Variants in CCDC102B observed in about 807,000 individuals in gnomAD.
CCDC102B encodes the protein coiled-coil domain containing 102B, also known as coiled-coil domain-containing protein 102B.
Under a neutral mutation model 57.4 loss-of-function variants are expected in CCDC102B, and 75 were observed. The ratio of observed to expected loss-of-function variants is 1.31; its 90% confidence interval spans 1.08 to 1.58. The LOEUF is 1.58. Among genes scored for constraint, CCDC102B ranks in the 40% most tolerant of loss-of-function variants. The pLI is 0.00. For synonymous variants in CCDC102B, 206 were observed against 201.9 expected (o/e 1.02, Z -0.17); for missense variants, 636 against 582.6 (o/e 1.09, Z -0.94).
chr18:68,734,317 T>A (rs2033029553), intron 2 of CCDC102B, among the ~76,000 whole-genome samples: 1 of 152,178 alleles, frequency 6.6e-6, no homozygotes. Context: ...TCTGTAAGTT[T>A]TTTTTATTAC....
At chr18:69,026,324 G>A (rs1181524110) in intron 7 of CCDC102B, among the ~76,000 whole-genome samples, 1 of 151,940 alleles carries the variant, frequency 6.6e-6, no homozygotes, top group Non-Finnish European at 1.5e-5. Flanking sequence ...AAATTAGCTG[G>A]CCTATGGTGG....
Position 68,798,102 on chromosome 18 carries a change from G to A in CCDC102B, c.-95G>A, listed in dbSNP as rs2035696967. The A allele has an allele frequency of 6.6e-6, 1 of 152,158 alleles. No homozygotes were observed. The highest frequency in any genetic ancestry group is 6.6e-5 in the Admixed American group (1 of 15,244). 9.4% of individuals were successfully genotyped at this position (152,158 alleles called of 1,614,324 possible). On this transcript the variant is annotated 5_prime_UTR_variant, in exon 1 of 8. It removes an upstream start codon present in the reference 5' UTR. Coordinates refer to ENST00000360242, the MANE Select transcript of CCDC102B (RefSeq NM_024781.3). ...GCTAGGACTCCAGAACTGTACGGATGAGAAAAGGATGCAGGAAATTCTGTT... is the reference window on the plus strand; with the variant it reads ...GCTAGGACTCCAGAACTGTACGGATAAGAAAAGGATGCAGGAAATTCTGTT...
At chr18:68,772,874 CAGAA>C (rs1320697946) in intron 2 of CCDC102B, among the ~76,000 whole-genome samples, 1 of 151,654 alleles carries the variant, frequency 6.6e-6, no homozygotes, top group Non-Finnish European at 1.5e-5. Flanking sequence ...AGAAAAATTT[CAGAA>C]AGAAAGAATA....
chr18:68,742,398 C>A (rs1363119600), intron 2 of CCDC102B, among the ~76,000 whole-genome samples: 1 of 152,172 alleles, frequency 6.6e-6, no homozygotes, highest in African/African-American at 2.4e-5. Context: ...TAATTACTTC[C>A]AGATCCCATT....
chr18:68,956,542 T>A lies in CCDC102B; in HGVS notation c.1264-54392T>A. Among the ~76,000 whole-genome samples, 2 of 4,170 alleles carry A rather than the reference T, an allele frequency of 4.8e-4. 1 individual carries two copies. The highest frequency in any genetic ancestry group is 1.2e-3 in the African/African-American group (2 of 1,736). 2.7% of individuals were successfully genotyped at this position (4,170 alleles called of 152,430 possible). ...CATATTATATATATTATATATTTTATATATATAAATATTATATATATTATA... is the reference window on the plus strand; with the variant it reads ...CATATTATATATATTATATATTTTAAATATATAAATATTATATATATTATA... On this transcript the variant is annotated intron_variant, in intron 6 of 7. Transcript: ENST00000360242.
chr18:68,803,446 C>A (rs756224631), intron 1 of CCDC102B, among the ~76,000 whole-genome samples: 1 of 152,136 alleles, frequency 6.6e-6, no homozygotes, highest in Non-Finnish European at 1.5e-5. Flanking sequence ...TATTTACACA[C>A]TCTTGAAATA....
chr18:68,787,304 C>G (rs1329530868), intron 2 of CCDC102B, among the ~76,000 whole-genome samples: 1 of 151,650 alleles, frequency 6.6e-6, no homozygotes, highest in Non-Finnish European at 1.5e-5. Flanking sequence ...TTGGTTGTGT[C>G]TCGGCCCGGC....
chr18:68,766,969 G>C (rs1446336316), intron 2 of CCDC102B, among the ~76,000 whole-genome samples: 1 of 151,184 alleles, frequency 6.6e-6, no homozygotes, highest in Admixed American at 6.6e-5. Flanking sequence ...TCCCCATTTC[G>C]TGGATAAGAA....
chr18:68,780,654 A>G (rs573139219), intron 2 of CCDC102B, among the ~76,000 whole-genome samples: 5 of 152,150 alleles, frequency 3.3e-5, no homozygotes, highest in African/African-American at 4.8e-5. Context: ...TTTGATTCAC[A>G]TTTCCTAATG....
At chr18:68,943,336 G>A (rs2049439793) in intron 6 of CCDC102B, among the ~76,000 whole-genome samples, 1 of 152,036 alleles carries the variant, frequency 6.6e-6, no homozygotes, top group Non-Finnish European at 1.5e-5. Context: ...TGTATTGCTG[G>A]GCAGATATTG....
At chr18:68,927,509 A>G (rs952216894) in intron 6 of CCDC102B, among the ~76,000 whole-genome samples, 1 of 151,944 alleles carries the variant, frequency 6.6e-6, no homozygotes, top group African/African-American at 2.4e-5. Context: ...TATTCATTAT[A>G]TGACATTATA....
intron 6 of CCDC102B, among the ~76,000 whole-genome samples, chr18:69,007,611 C>T (rs1334091676): frequency 6.6e-6 from 1 of 152,206 alleles, no homozygotes; most frequent in African/African-American, 2.4e-5. Flanking sequence ...CCCACAGCTT[C>T]TGGGCTCGAG....
chr18:68,747,742 A>C (rs2033678378), intron 2 of CCDC102B, among the ~76,000 whole-genome samples: 1 of 152,138 alleles, frequency 6.6e-6, no homozygotes, highest in African/African-American at 2.4e-5. Context: ...CATTATATGT[A>C]TATATCACAT....
chr18:68,720,520 C>T (rs1193888320), intron 2 of CCDC102B, among the ~76,000 whole-genome samples: 1 of 152,110 alleles, frequency 6.6e-6, no homozygotes, highest in Non-Finnish European at 1.5e-5. Flanking sequence ...TGCACATGAA[C>T]GTGGTTCCTG....
At chr18:68,982,238 T>TA (rs141429230) in intron 6 of CCDC102B, among the ~76,000 whole-genome samples, 10,100 of 151,630 alleles carry the variant, frequency 0.067, 578 homozygotes, top group African/African-American at 0.15. Context: ...CCTAACAGTG[T>TA]AAAAAAAACA....
chr18:68,917,586 A>G (rs1050797977), intron 6 of CCDC102B, among the ~76,000 whole-genome samples: 1 of 152,144 alleles, frequency 6.6e-6, no homozygotes, highest in African/African-American at 2.4e-5. Flanking sequence ...GTATCCTTCT[A>G]TCTTGTATTA....
intron 2 of CCDC102B, among the ~76,000 whole-genome samples, chr18:68,790,438 G>C (rs368530564): frequency 6.6e-6 from 1 of 150,936 alleles, no homozygotes; most frequent in African/African-American, 2.4e-5. Context: ...CCTCGCTGCC[G>C]CCTTGCAGTT....
At chr18:68,852,770 A>G (rs2038190262) in intron 4 of CCDC102B, among the ~76,000 whole-genome samples, 2 of 152,228 alleles carry the variant, frequency 1.3e-5, no homozygotes, top group African/African-American at 4.8e-5. Context: ...GCTTATAACA[A>G]TACTTGATAT....
chr18:68,750,889 G>A (rs964667692), intron 2 of CCDC102B, among the ~76,000 whole-genome samples: 3 of 151,826 alleles, frequency 2.0e-5, no homozygotes, highest in African/African-American at 7.3e-5. Flanking sequence ...CATGGCACAT[G>A]GATACATATG....
Sources: allele counts gnomAD v4.1 joint callset (sites outside exome capture counted in the v4.1 genomes callset), GRCh38; gene constraint gnomAD v4.1.1; transcripts MANE v1.5; gene names NCBI Gene and HGNC (gene_info 2026-07-23, HGNC 2026-07-21).